The following LOC728392 variants were observed in gnomAD, a reference collection of about 807,000 sequenced individuals.
the LOC728392 span, chr17:5,499,621 T>C: frequency 1.3e-5 from 4 of 305,718 alleles, no homozygotes; most frequent in African/African-American, 9.0e-5. Context: ...AGTCTTAAGA[T>C]GACAAATCCC....
the LOC728392 span, chr17:5,500,068 T>C: frequency 1.0e-6 from 1 of 986,212 alleles, no homozygotes; most frequent in Non-Finnish European, 1.2e-6. The surrounding 1 kb of genome is among the most constrained non-coding windows in gnomAD (Gnocchi z 5.4). Context: ...TGCGCGCTCT[T>C]GTCCTCTCTC....
chr17:5,499,685 C>T, the LOC728392 span: 5 of 803,358 alleles, frequency 6.2e-6, no homozygotes, highest in Non-Finnish European at 7.5e-6. Flanking sequence ...AATCCCTCAG[C>T]CCCTTTTGTC....
At chr17:5,500,778 C>T in the LOC728392 span, 3 of 1,181,974 alleles carry the variant, frequency 2.5e-6, no homozygotes, top group African/African-American at 3.4e-5. The surrounding 1 kb of genome is among the most constrained non-coding windows in gnomAD (Gnocchi z 5.4). Flanking sequence ...GGCGCGGCCC[C>T]CCTGCGCCCT....
chr17:5,500,557 C>T, the LOC728392 span: 1 of 1,213,846 alleles, frequency 8.2e-7, no homozygotes, highest in Non-Finnish European at 1.0e-6. The surrounding 1 kb of genome is among the most constrained non-coding windows in gnomAD (Gnocchi z 5.4). Context: ...CCTTTCCCTC[C>T]CCGCTCGGTC....
At chr17:5,500,867 G>T in the LOC728392 span, 3 of 1,245,488 alleles carry the variant, frequency 2.4e-6, no homozygotes, top group Non-Finnish European at 3.1e-6. This position sits in a 1 kb window ranked among gnomAD's most constrained non-coding sequence, Gnocchi z 5.4. Flanking sequence ...GGTCTTCCGG[G>T]GGAGGCTTGT....
chr17:5,499,998 G>A, the LOC728392 span: 2 of 986,112 alleles, frequency 2.0e-6, no homozygotes, highest in African/African-American at 3.5e-5. Context: ...GCCCCTGGGG[G>A]CGCAGCACGA....
chr17:5,500,605 G>A, the LOC728392 span: 1 of 1,254,888 alleles, frequency 8.0e-7, no homozygotes, highest in Non-Finnish European at 1.0e-6. The surrounding 1 kb of genome is among the most constrained non-coding windows in gnomAD (Gnocchi z 5.4). Flanking sequence ...ACTCAGGCAA[G>A]CTGTAAATGG....
chr17:5,500,839 G>A, the LOC728392 span: 1 of 1,213,202 alleles, frequency 8.2e-7, no homozygotes, highest in Non-Finnish European at 1.1e-6. This position sits in a 1 kb window ranked among gnomAD's most constrained non-coding sequence, Gnocchi z 5.4. Flanking sequence ...GCCGACCTGG[G>A]CCCGCGGGCA....
the LOC728392 span, chr17:5,501,003 C>T: frequency 8.5e-7 from 1 of 1,182,598 alleles, no homozygotes; most frequent in Non-Finnish European, 1.1e-6. Context: ...GGTCAGAGCG[C>T]AGTGGGCGGT....
chr17:5,500,920 G>C, the LOC728392 span: 3 of 1,259,830 alleles, frequency 2.4e-6, no homozygotes, highest in South Asian at 3.8e-5. This position sits in a 1 kb window ranked among gnomAD's most constrained non-coding sequence, Gnocchi z 5.4. Flanking sequence ...ATCTGCTCGA[G>C]ACCCCAGGGT....
At chr17:5,500,546 C>T in the LOC728392 span, 58 of 1,205,080 alleles carry the variant, frequency 4.8e-5, 1 homozygote, top group South Asian at 5.9e-4. This position sits in a 1 kb window ranked among gnomAD's most constrained non-coding sequence, Gnocchi z 5.4. Context: ...GCCCCGTTTT[C>T]CCTTTCCCTC....
chr17:5,501,003 C>A, the LOC728392 span: 1 of 1,182,598 alleles, frequency 8.5e-7, no homozygotes. Flanking sequence ...GGTCAGAGCG[C>A]AGTGGGCGGT....
the LOC728392 span, chr17:5,499,665 G>T: frequency 1.4e-6 from 1 of 693,802 alleles, no homozygotes. Context: ...ACGAACTCTT[G>T]TCAATGAGAA....
At chr17:5,499,734 G>A in the LOC728392 span, 2 of 979,436 alleles carry the variant, frequency 2.0e-6, no homozygotes, top group South Asian at 9.4e-5. Flanking sequence ...GGGCCAGAAC[G>A]AAGCCATCCT....
the LOC728392 span, chr17:5,500,489 A>G: frequency 8.7e-7 from 1 of 1,156,036 alleles, no homozygotes; most frequent in Non-Finnish European, 1.1e-6. The surrounding 1 kb of genome is among the most constrained non-coding windows in gnomAD (Gnocchi z 5.4). Context: ...AAGCATCGAA[A>G]GCTACATGAA....
the LOC728392 span, chr17:5,500,939 A>G: frequency 4.8e-6 from 6 of 1,256,718 alleles, no homozygotes; most frequent in South Asian, 1.3e-5. The surrounding 1 kb of genome is among the most constrained non-coding windows in gnomAD (Gnocchi z 5.4). Flanking sequence ...GTCTGCGCCG[A>G]AAGAGCCCGT....
chr17:5,500,978 G>A, the LOC728392 span: 3 of 1,232,744 alleles, frequency 2.4e-6, no homozygotes, highest in Non-Finnish European at 3.1e-6. This position sits in a 1 kb window ranked among gnomAD's most constrained non-coding sequence, Gnocchi z 5.4. Context: ...CGGGTAGGTG[G>A]GTCAGCCGGG....
the LOC728392 span, chr17:5,500,822 G>A: frequency 8.5e-7 from 1 of 1,177,822 alleles, no homozygotes. This position sits in a 1 kb window ranked among gnomAD's most constrained non-coding sequence, Gnocchi z 5.4. Context: ...TCTTGCCCGC[G>A]GCCGACGCCG....
At chr17:5,499,719 G>A in the LOC728392 span, 7,372 of 966,840 alleles carry the variant, frequency 7.6e-3, 29 homozygotes, top group Non-Finnish European at 8.5e-3. Flanking sequence ...CTCCAGAAGT[G>A]AGCCGGGCCA....
Sources: allele counts gnomAD v4.1 joint callset, GRCh38; gene constraint gnomAD v4.1.1; non-coding constraint Gnocchi (gnomAD v3.1); transcripts MANE v1.5.